Variants in SLC9A8 observed in about 807,000 individuals in gnomAD.
SLC9A8 encodes the protein solute carrier family 9 member A8, also known as sodium/hydrogen exchanger 8.
Under a neutral mutation model 66.6 loss-of-function variants are expected in SLC9A8, and 48 were observed. That is an observed-to-expected ratio of 0.72 (90% CI 0.57 to 0.92). The LOEUF (loss-of-function observed/expected upper bound fraction) is 0.92, where lower values mean the gene tolerates loss of function less well. SLC9A8 is among the 40% of genes least tolerant of loss of function. The pLI, the probability that SLC9A8 is intolerant of heterozygous loss-of-function variation, is 0.00. For synonymous variants in SLC9A8, 274 were observed against 282.6 expected (o/e 0.97, Z 0.31); for missense variants, 599 against 747.3 (o/e 0.80, Z 2.31).
chr20:49,839,231 G>A (rs2146558934), intron 3 of SLC9A8, among the ~76,000 whole-genome samples: 1 of 152,312 alleles, frequency 6.6e-6, no homozygotes, highest in Admixed American at 6.5e-5. Context: ...CATTGAAAAT[G>A]GGTGGATATG....
At chr20:49,860,336 T>A (rs1365577880) in intron 8 of SLC9A8, among the ~76,000 whole-genome samples, 1 of 152,222 alleles carries the variant, frequency 6.6e-6, no homozygotes, top group Non-Finnish European at 1.5e-5. Context: ...ACCTTTATTA[T>A]GTTATTTTGG....
chr20:49,857,309 A>G (rs1000296040), intron 8 of SLC9A8, among the ~76,000 whole-genome samples: 2 of 152,024 alleles, frequency 1.3e-5, no homozygotes, highest in African/African-American at 2.4e-5. Context: ...AAGCATAACC[A>G]CTCTGTGGTA....
intron 3 of SLC9A8, among the ~76,000 whole-genome samples, chr20:49,826,438 C>G (rs2086914779): frequency 6.6e-6 from 1 of 152,136 alleles, no homozygotes; most frequent in Non-Finnish European, 1.5e-5. Context: ...CCTCTCCTGC[C>G]AGAAGTTGCT....
intron 8 of SLC9A8, among the ~76,000 whole-genome samples, chr20:49,856,809 A>T: frequency 6.7e-6 from 1 of 148,724 alleles, no homozygotes; most frequent in Non-Finnish European, 1.5e-5. Context: ...TGACAGAGCG[A>T]GACTCCGTCT....
At chr20:49,815,258 C>A (rs943705023) in intron 2 of SLC9A8, 69 bp downstream of exon 2, 2 of 1,297,520 alleles carry the variant, frequency 1.5e-6, no homozygotes, top group East Asian at 2.7e-5. Flanking sequence ...GTGTGTTTAA[C>A]CCTGTCACTC....
intron 11 of SLC9A8, among the ~76,000 whole-genome samples, chr20:49,877,284 ACT>A (rs2089460988): frequency 2.0e-5 from 3 of 151,846 alleles, no homozygotes; most frequent in South Asian, 2.1e-4. Flanking sequence ...ACAGAGTGAG[ACT>A]CTGTCTCTAA....
At chr20:49,817,607 A>G (rs2086600743) in intron 2 of SLC9A8, among the ~76,000 whole-genome samples, 1 of 152,180 alleles carries the variant, frequency 6.6e-6, no homozygotes, top group Non-Finnish European at 1.5e-5. Flanking sequence ...AGCCTGGGCA[A>G]CATAGTGAGA....
intron 3 of SLC9A8, chr20:49,830,121 T>C (rs1330447356): frequency 1.3e-6 from 1 of 743,004 alleles, no homozygotes. Flanking sequence ...CATCTCTGTC[T>C]GTTACCAGGC....
At chr20:49,854,882 G>T (rs542022634) in intron 7 of SLC9A8, among the ~76,000 whole-genome samples, 3 of 152,174 alleles carry the variant, frequency 2.0e-5, no homozygotes, top group Admixed American at 6.5e-5. Context: ...AGATCTTCAC[G>T]GGGACTGTCA....
At chr20:49,845,295 A>G (rs751022367) in intron 5 of SLC9A8, among the ~76,000 whole-genome samples, 176 bp downstream of exon 5, 13 of 152,358 alleles carry the variant, frequency 8.5e-5, no homozygotes, top group African/African-American at 3.1e-4. Flanking sequence ...AGGAGCAGAC[A>G]TGATGAATTG....
At chr20:49,842,802 T>C (rs972900276) in intron 4 of SLC9A8, among the ~76,000 whole-genome samples, 1 of 152,254 alleles carries the variant, frequency 6.6e-6, no homozygotes, top group African/African-American at 2.4e-5. Flanking sequence ...CTCACAATTC[T>C]GGAGGCCAGA....
intron 10 of SLC9A8, among the ~76,000 whole-genome samples, chr20:49,870,191 T>C (rs2089159896): frequency 6.6e-6 from 1 of 152,246 alleles, no homozygotes; most frequent in African/African-American, 2.4e-5. Flanking sequence ...TCCTTGCTGT[T>C]GGGGCTACAT....
chr20:49,823,836 CT>C (rs889487728), intron 3 of SLC9A8, among the ~76,000 whole-genome samples: 14 of 152,134 alleles, frequency 9.2e-5, no homozygotes, highest in African/African-American at 3.4e-4. Context: ...TCAGCCAAAG[CT>C]TTTTATCAGT....
At chr20:49,857,575 A>T (rs1353440769) in intron 8 of SLC9A8, among the ~76,000 whole-genome samples, 1 of 152,142 alleles carries the variant, frequency 6.6e-6, no homozygotes, top group Non-Finnish European at 1.5e-5. Flanking sequence ...AAGATTAGCC[A>T]GGTGTGGTGG....
rs564469805 is a variant in SLC9A8 at position 49,820,957 on chromosome 20, A to G, written c.209-2104A>G. ...AACATCTTTTGTCTATTCATGTCCTATGCCCGTTTAAAAGCTGTGGTGTTT... is the reference window on the plus strand; with the variant it reads ...AACATCTTTTGTCTATTCATGTCCTGTGCCCGTTTAAAAGCTGTGGTGTTT... On this transcript the variant is annotated intron_variant, in intron 2 of 15. Coordinates refer to ENST00000361573, the MANE Select transcript of SLC9A8 (RefSeq NM_015266.3). 2.4e-3 allele frequency among the ~76,000 whole-genome samples: 367 copies of G among 152,242 alleles called. 3 individuals carry two copies. Among genetic ancestry groups the G allele is most frequent in the African/African-American group, 8.4e-3 (348 of 41,544 alleles).
intron 3 of SLC9A8, chr20:49,830,630 C>T (rs2087136469): frequency 3.2e-6 from 2 of 621,220 alleles, no homozygotes; most frequent in Non-Finnish European, 5.8e-6. Flanking sequence ...TGTTGGTGAT[C>T]TTAGCAGCTG....
chr20:49,855,967 A>T (rs1395013505), intron 8 of SLC9A8, among the ~76,000 whole-genome samples: 1 of 151,612 alleles, frequency 6.6e-6, no homozygotes, highest in African/African-American at 2.4e-5. Flanking sequence ...ATTTTTTAAG[A>T]AGTTTTTGTA....
chr20:49,834,577 T>G (rs2087457019), intron 3 of SLC9A8, among the ~76,000 whole-genome samples: 1 of 150,694 alleles, frequency 6.6e-6, no homozygotes, highest in African/African-American at 2.4e-5. Context: ...TTGGGTAGAT[T>G]GATTTGACCT....
chr20:49,872,925 C>T (rs1199785869), intron 10 of SLC9A8, among the ~76,000 whole-genome samples: 2 of 152,160 alleles, frequency 1.3e-5, no homozygotes, highest in African/African-American at 4.8e-5. Context: ...TTTTTTAAGA[C>T]AATCTCAGCT....
Sources: allele counts gnomAD v4.1 joint callset (sites outside exome capture counted in the v4.1 genomes callset), GRCh38; gene constraint gnomAD v4.1.1; transcripts MANE v1.5; gene names NCBI Gene and HGNC (gene_info 2026-07-23, HGNC 2026-07-21).